CACNA1I: variants seen among roughly 807,000 people sequenced by gnomAD.
The protein encoded by CACNA1I is voltage-dependent T-type calcium channel subunit alpha-1I.
Under a neutral mutation model 201.6 loss-of-function variants are expected in CACNA1I, and 74 were observed. The observed-to-expected ratio is 0.37, with a 90% CI of 0.30 to 0.45. CACNA1I has a LOEUF of 0.45. Ranked by LOEUF, CACNA1I falls within the 20% of genes least tolerant of loss-of-function variation. The pLI is 1.00. For missense variants in CACNA1I, 2,346 were observed against 3,138.1 expected (o/e 0.75, Z 6.03); for synonymous variants, 1,431 against 1,345.2 (o/e 1.06, Z -1.40).
At chr22:39,650,055 C>G in intron 10 of CACNA1I, 130 bp downstream of exon 10, 2 of 997,064 alleles carry the variant, frequency 2.0e-6, no homozygotes, top group South Asian at 1.5e-5. Flanking sequence ...CCGGGCTGAG[C>G]TGGGTCCAGT....
intron 4 of CACNA1I, among the ~76,000 whole-genome samples, chr22:39,627,088 C>T (rs2146403200): frequency 6.6e-6 from 1 of 152,324 alleles, no homozygotes; most frequent in East Asian, 1.9e-4. Context: ...GTCAGTATCT[C>T]CTTTCCGTTC....
intron 3 of CACNA1I, among the ~76,000 whole-genome samples, chr22:39,618,076 G>A (rs564105285): frequency 6.8e-4 from 103 of 150,404 alleles, no homozygotes; most frequent in African/African-American, 2.4e-3. Flanking sequence ...CGGGTGTGTG[G>A]TTGTTTGCAT....
At chr22:39,656,969 G>T (rs945175442) in intron 10 of CACNA1I, among the ~76,000 whole-genome samples, 2 of 152,210 alleles carry the variant, frequency 1.3e-5, no homozygotes, top group East Asian at 1.9e-4. Context: ...CCGTGGCAGG[G>T]AGAGAAGGGG....
intron 1 of CACNA1I, among the ~76,000 whole-genome samples, chr22:39,590,873 T>A (rs1932812645): frequency 6.6e-6 from 1 of 152,180 alleles, no homozygotes; most frequent in Admixed American, 6.5e-5. Flanking sequence ...TGAGATAGGA[T>A]CTCGCTCTGT....
rs200732461 is a variant in CACNA1I at position 39,660,449 on chromosome 22, C to T, written c.2698+12C>T. 3.4e-5 allele frequency: 54 copies of T among 1,597,620 alleles called. No individual in the cohort carries two copies. Among genetic ancestry groups the T allele is most frequent in the African/African-American group, 2.0e-4 (15 of 74,686 alleles). Reference sequence around the variant, plus strand: ...GGACAGCAGCGGAGGTAAACAGGCCCTCGCTTGTCACCTAGAGAGCCCAGA... The same window carrying T: ...GGACAGCAGCGGAGGTAAACAGGCCTTCGCTTGTCACCTAGAGAGCCCAGA... On this transcript the variant is annotated intron_variant, in intron 15 of 36. Transcript: ENST00000402142.
intron 5 of CACNA1I, among the ~76,000 whole-genome samples, chr22:39,640,181 G>C (rs1371339604): frequency 1.3e-5 from 2 of 152,130 alleles, no homozygotes; most frequent in South Asian, 2.1e-4. Flanking sequence ...CTGAGGTCAG[G>C]AGTTTGAGAA....
rs1264231556 is a variant in CACNA1I at position 39,666,674 on chromosome 22, G to A, written c.4104+668G>A. Among the ~76,000 whole-genome samples, 1 of 152,224 alleles carries A rather than the reference G, an allele frequency of 6.6e-6. No individual in the cohort carries two copies. The highest frequency in any genetic ancestry group is 2.4e-5 in the African/African-American group (1 of 41,462). On this transcript the variant is annotated intron_variant, in intron 23 of 36. Transcript: ENST00000402142. This position sits in a 1 kb window ranked among gnomAD's most constrained non-coding sequence, Gnocchi z 4.1. ...GGAGGCCAGGTATGTCCAGACGTAG[G>A]CGTGCCTTGCCCCAGGGCACACAGG...
intron 24 of CACNA1I, among the ~76,000 whole-genome samples, chr22:39,669,635 G>A (rs1034648304): frequency 4.0e-5 from 6 of 151,746 alleles, no homozygotes; most frequent in African/African-American, 1.5e-4. Flanking sequence ...TGCATAGATG[G>A]GTGAATGGAT....
At chr22:39,590,536 T>C (rs1464155346) in intron 1 of CACNA1I, among the ~76,000 whole-genome samples, 1 of 152,218 alleles carries the variant, frequency 6.6e-6, no homozygotes, top group Non-Finnish European at 1.5e-5. Context: ...AGAGAGACGA[T>C]GTGGGTGGGG....
At position 39,680,840 on chromosome 22, in the gene CACNA1I, C is replaced by T. The variant is rs1360916238; in HGVS notation, c.5542-90C>T. On this transcript the variant is annotated intron_variant, in intron 33 of 36. Transcript: ENST00000402142. ...TTCTGACCACTGCTCGGCCTCTCTT[C>T]AGAGCCTCAGGCCTGTGGCTGCACG... is the stretch of plus-strand genomic sequence containing the variant. 5 of 1,425,060 alleles carry T rather than the reference C, an allele frequency of 3.5e-6. No homozygotes were observed. In the African/African-American group the frequency reaches 7.1e-5, roughly 20 times the overall value. The allele number at this position is 1,425,060 out of a possible 1,614,324, so 88.3% of individuals were successfully genotyped here.
chr22:39,582,351 G>A (rs1251847033), intron 1 of CACNA1I, among the ~76,000 whole-genome samples: 1 of 152,128 alleles, frequency 6.6e-6, no homozygotes, highest in Non-Finnish European at 1.5e-5. Context: ...ATAATGTCTG[G>A]AGATGGTTTT....
In CACNA1I at chr22:39,596,423, G is replaced by A. The variant is rs548687083; in HGVS notation, c.237-1728G>A. ...AGAGAGATGGGGGGGCAGGGCGGAGGGAGATGGGGGGGCAGGGCGGAGGGA... is the reference window on the plus strand; with the variant it reads ...AGAGAGATGGGGGGGCAGGGCGGAGAGAGATGGGGGGGCAGGGCGGAGGGA... On this transcript the variant is annotated intron_variant, in intron 1 of 36. Transcript: ENST00000402142. Among the ~76,000 whole-genome samples, 45 of 42,834 alleles carry A rather than the reference G, an allele frequency of 1.1e-3. 1 individual carries two copies. The highest frequency in any genetic ancestry group is 4.8e-3 in the South Asian group (3 of 624). The allele number at this position is 42,834 out of a possible 152,430, so 28.1% of individuals were successfully genotyped here. A position where few individuals can be genotyped will look rare whatever the true frequency, so the allele number is the denominator to read the frequency against.
chr22:39,618,778 G>C (rs1883124), intron 3 of CACNA1I, among the ~76,000 whole-genome samples: 139,549 of 151,808 alleles, frequency 0.92, 64,264 homozygotes, highest in Middle Eastern at 0.97. Flanking sequence ...TCTCCCAGTC[G>C]CCCTCAAATG....
chr22:39,613,760 T>C (rs1004788855), intron 3 of CACNA1I, among the ~76,000 whole-genome samples: 10 of 151,842 alleles, frequency 6.6e-5, no homozygotes. Flanking sequence ...GCCTTGCCGG[T>C]GACTGATGCA....
In CACNA1I at chr22:39,642,013, G is replaced by C. The variant is rs556200231; in HGVS notation, c.1057-784G>C. ...TGCTGTCCTCAGAAAGAAGGGGCAGGAGCAGACAGAGGGGGAGCTGAGAAG... is the reference window on the plus strand; with the variant it reads ...TGCTGTCCTCAGAAAGAAGGGGCAGCAGCAGACAGAGGGGGAGCTGAGAAG... On this transcript the variant is annotated intron_variant, in intron 6 of 36. Transcript: ENST00000402142. Among the ~76,000 whole-genome samples, 858 of 152,304 alleles carry C rather than the reference G, an allele frequency of 5.6e-3. 4 individuals are homozygous for C. Among genetic ancestry groups the C allele is most frequent in the African/African-American group, 0.019 (794 of 41,570 alleles).
intron 20 of CACNA1I, 24 bp from the exon 21 acceptor site, chr22:39,664,715 A>AC: frequency 1.6e-5 from 8 of 504,758 alleles, no homozygotes; most frequent in Middle Eastern, 3.7e-4. Flanking sequence ...CGGCAGCCTG[A>AC]CCCCGGCCCC....
chr22:39,586,309 T>C (rs1366147970), intron 1 of CACNA1I, among the ~76,000 whole-genome samples: 1 of 151,904 alleles, frequency 6.6e-6, no homozygotes, highest in Non-Finnish European at 1.5e-5. Flanking sequence ...GGCCAACATA[T>C]AATGAAACCC....
chr22:39,598,330 ACTCCAC>A, intron 2 of CACNA1I, 68 bp downstream of exon 2: 1 of 393,084 alleles, frequency 2.5e-6, no homozygotes, highest in Non-Finnish European at 4.0e-6. Flanking sequence ...TGCCCCGCCC[ACTCCAC>A]ACCCCCGCCC....
In CACNA1I at chr22:39,672,961, G is replaced by A; in HGVS notation, c.4662G>A (p.Leu1554=). The change falls in exon 28 of 37, where the codon CTG becomes CTA. Residue 1554 remains leucine, a synonymous_variant. Transcript: ENST00000402142. ...CACGGCTGAGCAGATGGAACCAGCT[G>A]GACCTGGCCATTGTGCTACTGTCAG... ...RRFFKDRWNQ[L]DLAIVLLSVM... is the part of the protein sequence containing the mutation. The A allele has an allele frequency of 3.1e-6, 5 of 1,613,460 alleles. No homozygotes were observed. Among genetic ancestry groups the A allele is most frequent in the East Asian group, 2.2e-5 (1 of 44,874 alleles).
Sources: gnomAD v4.1 joint callset for allele counts (sites outside exome capture counted in the v4.1 genomes callset) on GRCh38, gnomAD v4.1.1 for gene constraint, Gnocchi (gnomAD v3.1) non-coding constraint, MANE v1.5 for transcripts, NCBI Gene and HGNC (gene_info 2026-07-23, HGNC 2026-07-21) for gene names.